Variants in MACF1 observed in about 807,000 individuals in gnomAD.
MACF1 encodes the protein microtubule actin crosslinking factor 1, also known as microtubule-actin cross-linking factor 1.
MACF1 carries 193 observed loss-of-function variants against 854.8 expected under a neutral mutation model. That is an observed-to-expected ratio of 0.23 (90% CI 0.20 to 0.25). MACF1 has a LOEUF of 0.25. Among genes scored for constraint, MACF1 ranks in the 10% least tolerant of loss-of-function variants. The pLI is 1.00. For missense variants in MACF1, 7,722 were observed against 8,929.1 expected (o/e 0.86, Z 5.45); for synonymous variants, 3,185 against 3,226.7 (o/e 0.99, Z 0.44).
intron 58 of MACF1, chr1:39,413,276 C>G: frequency 1.2e-6 from 2 of 1,604,578 alleles, no homozygotes; most frequent in Non-Finnish European, 8.5e-7. Flanking sequence ...GCCTCCCCAG[C>G]TGCTGCAGTG....
intron 31 of MACF1, among the ~76,000 whole-genome samples, chr1:39,322,220 G>T (rs990972606): frequency 6.6e-6 from 1 of 152,186 alleles, no homozygotes; most frequent in Non-Finnish European, 1.5e-5. Context: ...TGCAACTAAG[G>T]CGTGAGCAAA....
chr1:39,321,438 C>A (rs569348213), intron 31 of MACF1, among the ~76,000 whole-genome samples: 2 of 152,280 alleles, frequency 1.3e-5, no homozygotes, highest in South Asian at 4.1e-4. Flanking sequence ...TTCACAAATT[C>A]ATTCCTTGTT....
intron 2 of MACF1, among the ~76,000 whole-genome samples, chr1:39,118,889 C>T (rs1205113207): frequency 2.0e-5 from 3 of 152,172 alleles, no homozygotes. Context: ...TCCTCCTCCT[C>T]CTCCTCTTTT....
chr1:39,110,452 G>C (rs192110762), intron 2 of MACF1, among the ~76,000 whole-genome samples: 1 of 151,792 alleles, frequency 6.6e-6, no homozygotes, highest in Non-Finnish European at 1.5e-5. Flanking sequence ...TGCCCAGGCT[G>C]GTCTCAACCC....
At position 39,357,436 on chromosome 1, in the gene MACF1, A is replaced by C. The variant is rs1317482149; in HGVS notation, c.11486A>C (p.Gln3829Pro). The C allele has an allele frequency of 6.2e-7, 1 of 1,614,166 alleles. No individual in the cohort carries two copies. Among genetic ancestry groups the C allele is most frequent in the Admixed American group, 1.7e-5 (1 of 60,014 alleles). Residue 3829 changes from glutamine to proline, a missense_variant, in exon 45 of 101, where the codon CAG becomes CCG. By Grantham distance (76) the Gln-to-Pro change is moderately conservative (BLOSUM62 -1). Coordinates refer to ENST00000564288, the MANE Select transcript of MACF1 (RefSeq NM_001394062.1). Reference sequence around the variant, plus strand: ...TTCATTCTGGCCACCCAGTCAGCTCAGGCCTTCTTGGATCAGCATGGCCAC... The same window carrying C: ...TTCATTCTGGCCACCCAGTCAGCTCCGGCCTTCTTGGATCAGCATGGCCAC... ...QNFILATQSAQAFLDQHGHNL... is the reference protein window; with the variant it reads ...QNFILATQSAPAFLDQHGHNL...
intron 55 of MACF1, among the ~76,000 whole-genome samples, chr1:39,381,065 A>T (rs1050893740): frequency 4.6e-5 from 7 of 150,626 alleles, no homozygotes; most frequent in African/African-American, 1.5e-4. Flanking sequence ...ATTTAATTAA[A>T]TTTTTTTTTT....
At chr1:39,453,584 A>T in intron 87 of MACF1, 123 bp from the exon 88 acceptor site, 1 of 781,986 alleles carries the variant, frequency 1.3e-6, no homozygotes, top group Non-Finnish European at 2.1e-6. Context: ...ACAGGCTTTT[A>T]GAGGTCTGCG....
upstream of MACF1, among the ~76,000 whole-genome samples, chr1:39,203,074 A>G (rs939086321): frequency 8.5e-5 from 13 of 152,228 alleles, no homozygotes; most frequent in Admixed American, 1.3e-4. Flanking sequence ...AAGATTTCAC[A>G]TAGAAAAAAA....
Position 39,347,146 on chromosome 1 carries a change from C to T in MACF1, c.10751C>T (p.Thr3584Ile). 5 of 1,614,168 alleles carry T rather than the reference C, an allele frequency of 3.1e-6. No homozygotes were observed. The highest frequency in any genetic ancestry group is 4.2e-6 in the Non-Finnish European group (5 of 1,180,022). Residue 3584 changes from threonine to isoleucine, a missense_variant, in exon 41 of 101, where the codon ACT (threonine) becomes ATT (isoleucine). Transcript: ENST00000564288. Reference protein sequence around the residue: ...QRSFQDILEQTAAQVDALQGH... With the variant: ...QRSFQDILEQIAAQVDALQGH... Reference sequence around the variant, plus strand: ...TCCTTCCAGGACATTTTGGAACAGACTGCCGCTCAGGTGGATGCCTTGCAG... The same window carrying T: ...TCCTTCCAGGACATTTTGGAACAGATTGCCGCTCAGGTGGATGCCTTGCAG...
intron 2 of MACF1, among the ~76,000 whole-genome samples, chr1:39,146,870 A>G (rs1398929877): frequency 6.6e-6 from 1 of 152,170 alleles, no homozygotes; most frequent in Admixed American, 6.5e-5. Context: ...TTGAAACACA[A>G]ATTGCTTGAG....
chr1:39,212,549 A>G (rs990368229), intron 1 of MACF1, among the ~76,000 whole-genome samples: 2 of 152,200 alleles, frequency 1.3e-5, no homozygotes, highest in Admixed American at 6.5e-5. Context: ...GAGACTGTGA[A>G]TTCAGTATTT....
chr1:39,094,705 C>G (rs1258291449), intron 2 of MACF1, among the ~76,000 whole-genome samples: 1 of 150,004 alleles, frequency 6.7e-6, no homozygotes, highest in African/African-American at 2.5e-5. Context: ...GCAACCAGAG[C>G]GAAACTCTGT....
chr1:39,304,555 T>C (rs4660636), intron 23 of MACF1: 179,023 of 963,502 alleles, frequency 0.19, 19,042 homozygotes, highest in Non-Finnish European at 0.21. Context: ...TTTCAAATTT[T>C]CTTTTCTTTC....
Position 39,127,911 on chromosome 1 carries a change from C to T in MACF1, c.220+43473C>T, listed in dbSNP as rs2148166713. On this transcript the variant is annotated intron_variant, in intron 2 of 93. Transcript: ENST00000361689. ...ACATAGGCCTGCTATGTTTATGTAA[C>T]TCTCTTTTGTATTATTACAAAATTA... is the stretch of plus-strand genomic sequence containing the variant. 2.6e-5 allele frequency among the ~76,000 whole-genome samples: 4 copies of T among 152,118 alleles called. No homozygotes were observed. In the South Asian group the frequency reaches 8.3e-4, roughly 32 times the overall value.
rs140131690 is a variant in MACF1, at chr1:39,347,201, C to G, written c.10806C>G (p.Ala3602=). 10 of 1,612,292 alleles carry G rather than the reference C, an allele frequency of 6.2e-6. No homozygotes were observed. In the African/African-American group the frequency reaches 1.1e-4, roughly 17 times the overall value. ...ATCTTCAACAAATGGAGCAGGAAGC[C>G]CTGGTGAAGGTCAGACTGAACCAGC... is the stretch of plus-strand genomic sequence containing the variant. The part of the protein sequence containing the change: ...QGHLQQMEQE[A]LVKTLQKQQN... The change falls in exon 41 of 101, where the codon GCC becomes GCG. Residue 3602 remains alanine (A), a synonymous_variant. Transcript: ENST00000564288.
intron 23 of MACF1, among the ~76,000 whole-genome samples, chr1:39,306,634 G>A (rs183675724): frequency 5.6e-4 from 79 of 142,296 alleles, no homozygotes; most frequent in African/African-American, 1.8e-3. Context: ...TTTTTAGTCC[G>A]GACCTGTTCT....
intron 58 of MACF1, among the ~76,000 whole-genome samples, chr1:39,398,696 G>A (rs1338828426): frequency 2.0e-5 from 3 of 152,168 alleles, no homozygotes; most frequent in African/African-American, 4.8e-5. Context: ...TTAAGAAATA[G>A]TGTTGCTTCC....
chr1:39,465,088 T>G lies in MACF1; in HGVS notation c.21754-7T>G. 1 of 1,612,716 alleles carries G rather than the reference T, an allele frequency of 6.2e-7. No individual in the cohort carries two copies. Among genetic ancestry groups the G allele is most frequent in the South Asian group, 1.1e-5 (1 of 91,062 alleles). ...TTCCTCCATCCTTTACTCTTTACTG[T>G]CTATAGTTCTTCCTCGGCAATCAGG... On this transcript the variant is annotated splice_polypyrimidine_tract_variant and splice_region_variant and intron_variant, in intron 94 of 100. Transcript: ENST00000564288.
chr1:39,239,908 T>G (rs1225727783), intron 2 of MACF1, among the ~76,000 whole-genome samples: 2 of 152,198 alleles, frequency 1.3e-5, no homozygotes, highest in African/African-American at 2.4e-5. Flanking sequence ...CCTTCCTTCC[T>G]TCCGTCCGTC....
Sources: gnomAD v4.1 joint callset for allele counts (sites outside exome capture counted in the v4.1 genomes callset) on GRCh38, gnomAD v4.1.1 for gene constraint, MANE v1.5 for transcripts, NCBI Gene and HGNC (gene_info 2026-07-23, HGNC 2026-07-21) for gene names.